Variants in SPECC1 observed in about 807,000 individuals in gnomAD.
SPECC1 encodes the protein cytospin-B.
A neutral mutation model predicts 104.1 loss-of-function variants in SPECC1; 62 were observed. The ratio of observed to expected loss-of-function variants is 0.60; its 90% CI spans 0.49 to 0.74. SPECC1 has a LOEUF of 0.74. SPECC1 is among the 30% of genes least tolerant of loss of function. The pLI is 0.00. For missense variants in SPECC1, 1,306 were observed against 1,310.5 expected, an observed-to-expected ratio of 1.00 and a Z score of 0.05; for synonymous variants, 513 against 501.6, an observed-to-expected ratio of 1.02 and a Z score of -0.30.
intron 3 of SPECC1, among the ~76,000 whole-genome samples, chr17:20,139,240 GA>G (rs1219186358): frequency 6.6e-6 from 1 of 152,188 alleles, no homozygotes; most frequent in Non-Finnish European, 1.5e-5. Flanking sequence ...AAGATAGACA[GA>G]AGTCCTTGAT....
intron 3 of SPECC1, among the ~76,000 whole-genome samples, chr17:20,137,324 G>T (rs1288610334): frequency 6.6e-6 from 1 of 152,232 alleles, no homozygotes; most frequent in Admixed American, 6.5e-5. Flanking sequence ...GGAGCATCGT[G>T]TGTGATGTTG....
rs1286366162 is a variant in SPECC1 at position 20,318,402 on chromosome 17, C to G, written c.*4337C>G. ...TTTTCATTCAGTTTTTGTTTTACAGCTTTTGTAGAGACCAACCCAAGTAGA... is the reference window on the plus strand; with the variant it reads ...TTTTCATTCAGTTTTTGTTTTACAGGTTTTGTAGAGACCAACCCAAGTAGA... On this transcript the variant is annotated 3_prime_UTR_variant, in exon 15 of 15. Coordinates refer to ENST00000395527, the MANE Select transcript of SPECC1 (RefSeq NM_001243439.2). 4.3e-6 allele frequency: 1 copy of G among 231,368 alleles called. No individual in the cohort carries two copies. Among genetic ancestry groups the G allele is most frequent in the Non-Finnish European group, 8.6e-6 (1 of 116,880 alleles). 14.3% of individuals were successfully genotyped at this position (231,368 alleles called of 1,614,324 possible). A position where few individuals can be genotyped will look rare whatever the true frequency, so the allele number is the denominator to read the frequency against.
intron 3 of SPECC1, among the ~76,000 whole-genome samples, chr17:20,201,338 C>T (rs1339332719): frequency 3.3e-5 from 5 of 151,894 alleles, no homozygotes; most frequent in Admixed American, 2.0e-4. Flanking sequence ...GTAAATTAGC[C>T]GAGCATGGTG....
chr17:20,199,770 A>G (rs921223179), intron 3 of SPECC1, among the ~76,000 whole-genome samples: 1 of 151,080 alleles, frequency 6.6e-6, no homozygotes, highest in Non-Finnish European at 1.5e-5. Context: ...ATCCTCACCA[A>G]TACTTGTTAT....
chr17:20,130,616 C>T (rs775415828), intron 3 of SPECC1, among the ~76,000 whole-genome samples: 11 of 152,184 alleles, frequency 7.2e-5, no homozygotes, highest in Non-Finnish European at 1.2e-4. Flanking sequence ...GTCTGTCCCT[C>T]TGACAATGCC....
chr17:20,267,197 A>T (rs2040245610), intron 12 of SPECC1, among the ~76,000 whole-genome samples: 1 of 152,170 alleles, frequency 6.6e-6, no homozygotes, highest in African/African-American at 2.4e-5. Flanking sequence ...TTTTGGAATA[A>T]GTCACTCCTG....
At chr17:20,158,718 C>T (rs2032842704) in intron 3 of SPECC1, among the ~76,000 whole-genome samples, 1 of 152,190 alleles carries the variant, frequency 6.6e-6, no homozygotes, top group African/African-American at 2.4e-5. Flanking sequence ...AAGCTGTCAG[C>T]CCTCTGCAGT....
chr17:20,239,377 T>C, intron 7 of SPECC1: 1 of 710,170 alleles, frequency 1.4e-6, no homozygotes, highest in Non-Finnish European at 1.8e-6. Flanking sequence ...CATGAATATG[T>C]ATAGGGTTCA....
Position 20,232,352 on chromosome 17 carries a change from G to T in SPECC1, c.2298G>T (p.Glu766Asp). Reference sequence around the variant, plus strand: ...AGAAGAATGCCCGGTTGCAGAAGGAGCTGGGGGATGTGCAGGGCCACGGCA... The same window carrying T: ...AGAAGAATGCCCGGTTGCAGAAGGATCTGGGGGATGTGCAGGGCCACGGCA... The part of the protein sequence containing the change: ...EEEKNARLQK[E>D]LGDVQGHGRV... Residue 766 changes from glutamate to aspartate, a missense_variant, in exon 7 of 15, where the codon GAG becomes GAT. Glu to Asp is a conservative substitution (Grantham distance 45, BLOSUM62 2). Coordinates refer to ENST00000395527, the MANE Select transcript of SPECC1 (RefSeq NM_001243439.2). 1 of 1,613,996 alleles carries T rather than the reference G, an allele frequency of 6.2e-7. No individual in the cohort carries two copies. Among genetic ancestry groups the T allele is most frequent in the Non-Finnish European group, 8.5e-7 (1 of 1,179,950 alleles).
rs752221811 is a variant in SPECC1 at position 20,200,890 on chromosome 17, T to TAAA, written c.284-3430_284-3428dup. On this transcript the variant is annotated intron_variant, in intron 3 of 14. Transcript: ENST00000395527. Reference sequence around the variant, plus strand: ...TTTTGGAAAACAGAGACAGACATAGTAAAAAAAAAAAAAAAGGAAAAAGAA... The same window carrying TAAA: ...TTTTGGAAAACAGAGACAGACATAGTAAAAAAAAAAAAAAAAAAGGAAAAAGAA... Among the ~76,000 whole-genome samples, 261 of 125,242 alleles carry TAAA rather than the reference T, an allele frequency of 2.1e-3. 2 individuals carry two copies. The highest frequency in any genetic ancestry group is 8.9e-3 in the Middle Eastern group (2 of 224). 82.2% of individuals were successfully genotyped at this position (125,242 alleles called of 152,430 possible). A position where few individuals can be genotyped will look rare whatever the true frequency, so the allele number is the denominator to read the frequency against.
chr17:20,031,084 T>G (rs2044789818), intron 1 of SPECC1, among the ~76,000 whole-genome samples: 1 of 152,200 alleles, frequency 6.6e-6, no homozygotes. Flanking sequence ...AATCTCTGCC[T>G]CCTGGGTTCA....
At chr17:20,074,180 C>T (rs563202774) in intron 1 of SPECC1, among the ~76,000 whole-genome samples, 3 of 152,246 alleles carry the variant, frequency 2.0e-5, no homozygotes, top group South Asian at 4.2e-4. Context: ...GGAACGTTCT[C>T]GAGTCATCTC....
At chr17:20,248,482 C>CGAAAAACT (rs1567982597) in intron 9 of SPECC1, among the ~76,000 whole-genome samples, 1 of 152,150 alleles carries the variant, frequency 6.6e-6, no homozygotes, top group African/African-American at 2.4e-5. Context: ...TCCAGCATGT[C>CGAAAAACT]GAAAAACTTG....
At chr17:20,087,313 A>G (rs1339835350) in intron 1 of SPECC1, among the ~76,000 whole-genome samples, 1 of 152,222 alleles carries the variant, frequency 6.6e-6, no homozygotes, top group Non-Finnish European at 1.5e-5. Flanking sequence ...AAGAATATTA[A>G]GTTTTATAAC....
At chr17:20,021,702 A>ATATATTTTT (rs1402960712) in intron 1 of SPECC1, among the ~76,000 whole-genome samples, 1 of 139,280 alleles carries the variant, frequency 7.2e-6, no homozygotes, top group African/African-American at 2.7e-5. Context: ...ATATATATAT[A>ATATATTTTT]TTTTTTTGTA....
At position 20,314,709 on chromosome 17, in the gene SPECC1, A is replaced by C. The variant is rs1426794527; in HGVS notation, c.*644A>C. ...TTCCCCCCTCCCCCCCCAAAAAAAA[A>C]CAACAAAACACAAAAAATAAACATT... On this transcript the variant is annotated 3_prime_UTR_variant, in exon 15 of 15. Transcript: ENST00000395527. 276 of 179,720 alleles carry C rather than the reference A, an allele frequency of 1.5e-3. 2 individuals are homozygous for C. The highest frequency in any genetic ancestry group is 6.4e-3 in the African/African-American group (246 of 38,680). The allele number at this position is 179,720 out of a possible 1,614,324, so 11.1% of individuals were successfully genotyped here. A position where few individuals can be genotyped will look rare whatever the true frequency, so the allele number is the denominator to read the frequency against.
rs1220566301 is a variant in SPECC1, at chr17:20,009,698, G to C, written c.-22+274G>C. On this transcript the variant is annotated intron_variant, in intron 1 of 14. Coordinates refer to ENST00000395527, the MANE Select transcript of SPECC1 (RefSeq NM_001243439.2). The surrounding 1 kb of genome is among the most constrained non-coding windows in gnomAD (Gnocchi z 5.2). ...CCGCAGGTGGCAGCGGCAGGTGGCCGCCTCCTCCCCTCCGGGCCCGAGGGT... is the reference window on the plus strand; with the variant it reads ...CCGCAGGTGGCAGCGGCAGGTGGCCCCCTCCTCCCCTCCGGGCCCGAGGGT... 6.6e-6 allele frequency among the ~76,000 whole-genome samples: 1 copy of C among 152,076 alleles called. No individual in the cohort carries two copies. Among genetic ancestry groups the C allele is most frequent in the African/African-American group, 2.4e-5 (1 of 41,438 alleles).
chr17:20,060,241 A>G (rs144661210), intron 1 of SPECC1, among the ~76,000 whole-genome samples: 118 of 152,126 alleles, frequency 7.8e-4, no homozygotes, highest in African/African-American at 2.7e-3. Context: ...GAGAAATGTT[A>G]TTTTGCCCTT....
intron 3 of SPECC1, among the ~76,000 whole-genome samples, chr17:20,144,653 A>G (rs1170314236): frequency 6.6e-6 from 1 of 152,188 alleles, no homozygotes; most frequent in Non-Finnish European, 1.5e-5. Context: ...TTTCTGTTTT[A>G]GCAATAGGGT....
Sources: allele counts gnomAD v4.1 joint callset (sites outside exome capture counted in the v4.1 genomes callset), GRCh38; gene constraint gnomAD v4.1.1; non-coding constraint Gnocchi (gnomAD v3.1); transcripts MANE v1.5; gene names NCBI Gene and HGNC (gene_info 2026-07-23, HGNC 2026-07-21).